NCKAP5: variants seen among roughly 807,000 people sequenced by gnomAD.
NCKAP5 encodes the protein NCK associated protein 5.
Under a neutral mutation model 167.0 loss-of-function variants are expected in NCKAP5, and 92 were observed. That is an observed-to-expected ratio of 0.55 (90% CI 0.47 to 0.66). The LOEUF is 0.66. Ranked by LOEUF, NCKAP5 falls within the 30% of genes least tolerant of loss-of-function variation. The pLI, the probability that NCKAP5 is intolerant of heterozygous loss-of-function variation, is 0.00. For missense variants in NCKAP5, 2,378 were observed against 2,315.0 expected (o/e 1.03, Z -0.56); for synonymous variants, 891 against 877.4 (o/e 1.02, Z -0.27).
At chr2:132,956,438 C>A (rs1160844755) in intron 8 of NCKAP5, among the ~76,000 whole-genome samples, 1 of 152,182 alleles carries the variant, frequency 6.6e-6, no homozygotes, top group Non-Finnish European at 1.5e-5. Context: ...GGGTTACATT[C>A]TAGACATCTG....
In NCKAP5 at chr2:133,485,331, C is replaced by A. The variant is rs370181357; in HGVS notation, c.69+32127G>T. Reference sequence around the variant, plus strand: ...CCCTCTAATTCCCTAAAATGTGGAACAACAGATGGCCCATGCATTCCAAGA... The same window carrying A: ...CCCTCTAATTCCCTAAAATGTGGAAAAACAGATGGCCCATGCATTCCAAGA... On this transcript the variant is annotated intron_variant, in intron 3 of 19. Transcript: ENST00000409261. Among the ~76,000 whole-genome samples, 3 of 152,254 alleles carry A rather than the reference C, an allele frequency of 2.0e-5. No homozygotes were observed. The East Asian group carries it at 5.8e-4, about 29-fold the overall frequency.
rs573979078 is a variant in NCKAP5, at chr2:133,030,960, CTG to C, written c.342-36723_342-36722del. 1.1e-4 allele frequency among the ~76,000 whole-genome samples: 16 copies of C among 152,200 alleles called. 1 individual carries two copies. The highest frequency in any genetic ancestry group is 1.0e-3 in the Admixed American group (16 of 15,288). ...CACATTGCATCCTCCTCTATGAATT[CTG>C]TGAGAGGATATATGCATTAAGGGAC... On this transcript the variant is annotated intron_variant, in intron 6 of 19. Transcript: ENST00000409261.
the NCKAP5 span, among the ~76,000 whole-genome samples, chr2:133,660,507 C>A: frequency 4.0e-4 from 61 of 152,160 alleles, no homozygotes; most frequent in African/African-American, 1.4e-3. Context: ...TTTTTTAAAA[C>A]CCTCTTTTAT....
At chr2:133,658,945 C>T in the NCKAP5 span, among the ~76,000 whole-genome samples, 2 of 151,910 alleles carry the variant, frequency 1.3e-5, no homozygotes, top group Admixed American at 6.6e-5. Context: ...AAAATAAGAA[C>T]TATGCTTACT....
chr2:133,472,660 A>G (rs144506415), intron 3 of NCKAP5, among the ~76,000 whole-genome samples: 2 of 152,270 alleles, frequency 1.3e-5, no homozygotes, highest in African/African-American at 4.8e-5. Flanking sequence ...TAACCCTGCA[A>G]AAATGTACCA....
At chr2:133,263,644 G>T (rs1216278082) in intron 4 of NCKAP5, among the ~76,000 whole-genome samples, 2 of 152,104 alleles carry the variant, frequency 1.3e-5, no homozygotes, top group African/African-American at 4.8e-5. Flanking sequence ...CAGAAGGGCT[G>T]CCCTCCATGT....
intron 3 of NCKAP5, among the ~76,000 whole-genome samples, chr2:133,358,865 C>T (rs938843799): frequency 1.3e-5 from 2 of 152,082 alleles, no homozygotes; most frequent in Non-Finnish European, 2.9e-5. Context: ...GCTTCATGTG[C>T]TAATATTTAT....
At chr2:133,418,602 T>C (rs1056398699) in intron 3 of NCKAP5, among the ~76,000 whole-genome samples, 10 of 152,146 alleles carry the variant, frequency 6.6e-5, no homozygotes, top group African/African-American at 2.4e-4. Context: ...GGGCTGTTAT[T>C]TTATTCTTGC....
intron 3 of NCKAP5, among the ~76,000 whole-genome samples, chr2:133,340,392 A>C (rs185896983): frequency 1.3e-5 from 2 of 152,180 alleles, no homozygotes; most frequent in African/African-American, 4.8e-5. Flanking sequence ...AGTTTTACCA[A>C]AAGAACACAT....
chr2:132,884,934 C>T (rs1012094267), intron 8 of NCKAP5, among the ~76,000 whole-genome samples: 3 of 152,208 alleles, frequency 2.0e-5, no homozygotes, highest in Admixed American at 6.5e-5. Context: ...ACTTGCCTCA[C>T]GTTTACTGCT....
At chr2:133,421,077 T>C (rs1324007002) in intron 3 of NCKAP5, among the ~76,000 whole-genome samples, 2 of 152,200 alleles carry the variant, frequency 1.3e-5, no homozygotes, top group Non-Finnish European at 2.9e-5. Context: ...GGGCCTTTTT[T>C]TCTCAAGGTG....
At chr2:133,246,454 G>A (rs2087997267) in intron 4 of NCKAP5, among the ~76,000 whole-genome samples, 1 of 152,090 alleles carries the variant, frequency 6.6e-6, no homozygotes, top group African/African-American at 2.4e-5. Flanking sequence ...TAGAAAAAAA[G>A]CAGAAAACAC....
At chr2:132,879,039 A>T in intron 8 of NCKAP5, 123 bp from the exon 9 acceptor site, 1 of 752,808 alleles carries the variant, frequency 1.3e-6, no homozygotes, top group Non-Finnish European at 2.3e-6. Flanking sequence ...AGAAGTACCT[A>T]TGACAAGTTC....
chr2:133,627,545 C>T, the NCKAP5 span, among the ~76,000 whole-genome samples: 2 of 152,104 alleles, frequency 1.3e-5, no homozygotes, highest in African/African-American at 4.8e-5. Context: ...GAGATCGAGG[C>T]AGGTGGATCA....
chr2:133,153,401 A>C (rs2083450149), intron 5 of NCKAP5, among the ~76,000 whole-genome samples: 1 of 152,140 alleles, frequency 6.6e-6, no homozygotes, highest in African/African-American at 2.4e-5. Flanking sequence ...GGAGCAGGTA[A>C]TATAATATGA....
intron 3 of NCKAP5, among the ~76,000 whole-genome samples, chr2:133,475,113 A>C (rs1037869317): frequency 5.3e-5 from 8 of 152,106 alleles, no homozygotes; most frequent in African/African-American, 1.9e-4. Flanking sequence ...CCAGCCTAGA[A>C]TTCCAGATTT....
At chr2:133,109,750 T>C (rs888341900) in intron 6 of NCKAP5, among the ~76,000 whole-genome samples, 1 of 145,790 alleles carries the variant, frequency 6.9e-6, no homozygotes, top group African/African-American at 2.6e-5. Flanking sequence ...CCCAATGGGA[T>C]CAAGTTTTTC....
At chr2:133,639,416 G>A in the NCKAP5 span, among the ~76,000 whole-genome samples, 4 of 152,230 alleles carry the variant, frequency 2.6e-5, no homozygotes, top group South Asian at 2.1e-4. Flanking sequence ...TCATCAGTAC[G>A]GATCTCTAAA....
chr2:133,210,198 CATAAT>C (rs1366343960), intron 5 of NCKAP5, among the ~76,000 whole-genome samples: 6 of 36,758 alleles, frequency 1.6e-4, no homozygotes, highest in African/African-American at 3.4e-4. Context: ...TATAATATAA[CATAAT>C]ATAATGTAAT....
Sources: allele counts gnomAD v4.1 joint callset (sites outside exome capture counted in the v4.1 genomes callset), GRCh38; gene constraint gnomAD v4.1.1; transcripts MANE v1.5; gene names NCBI Gene and HGNC (gene_info 2026-07-23, HGNC 2026-07-21).